Variants in ASTN2 observed in about 807,000 individuals in gnomAD.
ASTN2 encodes the protein astrotactin-2.
Under a neutral mutation model 139.8 loss-of-function variants are expected in ASTN2, and 54 were observed. That is an observed-to-expected ratio of 0.39 (90% confidence interval 0.31 to 0.48). ASTN2 has a LOEUF of 0.48. ASTN2 is among the 20% of genes least tolerant of loss of function. The pLI is 0.95. For missense variants in ASTN2, 1,565 were observed against 1,725.1 expected, an observed-to-expected ratio of 0.91 and a Z score of 1.64; for synonymous variants, 756 against 719.5, an observed-to-expected ratio of 1.05 and a Z score of -0.81.
intron 19 of ASTN2, among the ~76,000 whole-genome samples, chr9:116,527,647 G>T (rs1199095011): frequency 2.6e-5 from 4 of 152,050 alleles, no homozygotes; most frequent in Non-Finnish European, 5.9e-5. Flanking sequence ...CCTACTACTG[G>T]GTATATGATA....
intron 19 of ASTN2, among the ~76,000 whole-genome samples, chr9:116,572,210 C>G (rs1173183510): frequency 6.6e-6 from 1 of 152,190 alleles, no homozygotes; most frequent in Non-Finnish European, 1.5e-5. Flanking sequence ...CTTCTCCTCC[C>G]CAGGCTGTGA....
intron 4 of ASTN2, among the ~76,000 whole-genome samples, chr9:117,128,356 A>C (rs573099867): frequency 5.6e-4 from 63 of 112,744 alleles, no homozygotes; most frequent in South Asian, 3.1e-3. Context: ...CTGGTGACAG[A>C]GTGAGACACT....
chr9:116,743,895 G>A (rs1410867602), intron 13 of ASTN2, among the ~76,000 whole-genome samples: 4 of 152,208 alleles, frequency 2.6e-5, no homozygotes, highest in Non-Finnish European at 5.9e-5. Flanking sequence ...TGTATACTGA[G>A]TTGCAGCAAA....
intron 20 of ASTN2, among the ~76,000 whole-genome samples, chr9:116,484,380 G>A (rs907127968): frequency 6.6e-6 from 1 of 152,212 alleles, no homozygotes; most frequent in Non-Finnish European, 1.5e-5. Flanking sequence ...GGCAGGTTAT[G>A]AGCATGAGGC....
At chr9:116,742,872 A>G (rs1301481517) in intron 13 of ASTN2, among the ~76,000 whole-genome samples, 6 of 152,210 alleles carry the variant, frequency 3.9e-5, no homozygotes, top group Non-Finnish European at 7.3e-5. Context: ...TTAGAACATT[A>G]GAACCAAGGG....
At chr9:116,508,992 T>A (rs961988181) in intron 19 of ASTN2, among the ~76,000 whole-genome samples, 2 of 152,094 alleles carry the variant, frequency 1.3e-5, no homozygotes, top group Non-Finnish European at 2.9e-5. Context: ...CTCTCTTTTA[T>A]CTCTGAATTT....
At chr9:116,589,213 G>A (rs1014365396) in intron 19 of ASTN2, among the ~76,000 whole-genome samples, 1 of 152,170 alleles carries the variant, frequency 6.6e-6, no homozygotes, top group Non-Finnish European at 1.5e-5. Context: ...AGGAGAAATA[G>A]ATTGCAATTA....
intron 1 of ASTN2, among the ~76,000 whole-genome samples, chr9:117,295,759 A>G (rs4256652): frequency 0.38 from 57,440 of 151,640 alleles, 11,972 homozygotes; most frequent in East Asian, 0.57. Context: ...TAAAAAAAAA[A>G]AAGAAGAAGA....
chr9:116,600,984 A>G (rs1854867879), intron 19 of ASTN2, among the ~76,000 whole-genome samples: 1 of 152,182 alleles, frequency 6.6e-6, no homozygotes, highest in African/African-American at 2.4e-5. Context: ...TAAATATAAC[A>G]ACACTTTGGA....
chr9:116,957,049 A>ATTT (rs527429954), intron 10 of ASTN2, among the ~76,000 whole-genome samples: 5,918 of 141,774 alleles, frequency 0.042, 294 homozygotes, highest in South Asian at 0.12. Flanking sequence ...TTCCCAGTTA[A>ATTT]TTTTTTTTTT....
At chr9:116,859,037 T>C (rs71505592) in intron 11 of ASTN2, among the ~76,000 whole-genome samples, 1 of 152,218 alleles carries the variant, frequency 6.6e-6, no homozygotes, top group Non-Finnish European at 1.5e-5. Flanking sequence ...TCTTTGCTTT[T>C]CCAGCTTCTA....
chr9:116,479,404 G>A (rs1368490303), intron 20 of ASTN2, among the ~76,000 whole-genome samples: 1 of 152,188 alleles, frequency 6.6e-6, no homozygotes, highest in Non-Finnish European at 1.5e-5. Flanking sequence ...TGCTTCCCAG[G>A]CTGTGCCCAG....
chr9:116,710,454 G>A (rs535015685), intron 16 of ASTN2, among the ~76,000 whole-genome samples: 1 of 151,870 alleles, frequency 6.6e-6, no homozygotes, highest in East Asian at 1.9e-4. Context: ...TTCAGACCAG[G>A]TGCAGTGAGC....
chr9:117,275,241 C>T (rs7018730), intron 2 of ASTN2, among the ~76,000 whole-genome samples: 52,822 of 151,972 alleles, frequency 0.35, 10,627 homozygotes, highest in African/African-American at 0.56. Flanking sequence ...AAACTCTTTG[C>T]GGCCTCTACC....
intron 1 of ASTN2, among the ~76,000 whole-genome samples, chr9:117,312,781 C>A (rs1007371762): frequency 1.3e-5 from 2 of 152,132 alleles, no homozygotes; most frequent in Non-Finnish European, 2.9e-5. Flanking sequence ...TGGGCCTCAG[C>A]CCCTAACCTT....
At chr9:116,835,661 C>T (rs1831962624) in intron 11 of ASTN2, among the ~76,000 whole-genome samples, 1 of 152,172 alleles carries the variant, frequency 6.6e-6, no homozygotes, top group Non-Finnish European at 1.5e-5. Flanking sequence ...CAAAGCTGCT[C>T]CCTGACCACC....
At chr9:116,815,108 C>A (rs573961006) in intron 12 of ASTN2, among the ~76,000 whole-genome samples, 1 of 152,142 alleles carries the variant, frequency 6.6e-6, no homozygotes, top group Non-Finnish European at 1.5e-5. Context: ...TGAATGAATT[C>A]CCCCATCTCC....
chr9:117,067,279 C>A (rs1454272956), intron 5 of ASTN2, among the ~76,000 whole-genome samples: 23 of 130,354 alleles, frequency 1.8e-4, no homozygotes, highest in South Asian at 5.4e-4. Context: ...TTCCCCATTT[C>A]TTGTTTTTCT....
intron 11 of ASTN2, among the ~76,000 whole-genome samples, chr9:116,857,958 A>T (rs1832781310): frequency 6.6e-6 from 1 of 152,128 alleles, no homozygotes; most frequent in Non-Finnish European, 1.5e-5. Context: ...GGATCTTGGG[A>T]TGGTCCCTTG....
Sources: allele counts gnomAD v4.1 joint callset (sites outside exome capture counted in the v4.1 genomes callset), GRCh38; gene constraint gnomAD v4.1.1; transcripts MANE v1.5; gene names NCBI Gene and HGNC (gene_info 2026-07-23, HGNC 2026-07-21).